FRAS1: variants seen among roughly 807,000 people sequenced by gnomAD.
The protein encoded by FRAS1 is Fraser extracellular matrix complex subunit 1.
A neutral mutation model predicts 435.2 loss-of-function variants in FRAS1; 290 were observed. The observed-to-expected ratio is 0.67, with a 90% CI of 0.61 to 0.73. The LOEUF (loss-of-function observed/expected upper bound fraction) is 0.73, where lower values mean the gene tolerates loss of function less well. Among genes scored for constraint, FRAS1 ranks in the 30% least tolerant of loss-of-function variants. FRAS1 has a pLI of 0.00. For missense variants in FRAS1, 4,860 were observed against 5,001.5 expected (o/e 0.97, Z 0.85); for synonymous variants, 1,800 against 1,851.0 (o/e 0.97, Z 0.71).
chr4:78,478,022 G>C lies in FRAS1; in HGVS notation c.8059G>C (p.Glu2687Gln). 2 of 1,592,722 alleles carry C rather than the reference G, an allele frequency of 1.3e-6. No homozygotes were observed. The highest frequency in any genetic ancestry group is 2.3e-5 in the South Asian group (2 of 87,644). The change falls in exon 55 of 74, where the codon GAG (glutamate) becomes CAG (glutamine). Residue 2687 changes from glutamate to glutamine, a missense_variant. Glu to Gln is a conservative substitution (Grantham distance 29). Coordinates refer to ENST00000512123, the MANE Select transcript of FRAS1 (RefSeq NM_025074.7). Reference protein sequence around the residue: ...EFDKKIYWVNESAGFLFAPIE... With the variant: ...EFDKKIYWVNQSAGFLFAPIE... Reference sequence around the variant, plus strand: ...TGACAAGAAGATCTACTGGGTTAACGAGAGCGCTGGTTTTCTGTTTGCACC... The same window carrying C: ...TGACAAGAAGATCTACTGGGTTAACCAGAGCGCTGGTTTTCTGTTTGCACC...
chr4:78,537,981 T>A (rs1417036872), intron 72 of FRAS1, among the ~76,000 whole-genome samples: 2 of 151,912 alleles, frequency 1.3e-5, no homozygotes, highest in African/African-American at 4.8e-5. Flanking sequence ...CATAATTGTT[T>A]GAAAAAGCTA....
intron 19 of FRAS1, among the ~76,000 whole-genome samples, chr4:78,336,517 T>C (rs543330460): frequency 6.6e-6 from 1 of 152,196 alleles, no homozygotes; most frequent in Non-Finnish European, 1.5e-5. Flanking sequence ...GAACTGGGTG[T>C]TGGAAATCAT....
chr4:78,167,195 G>C (rs1296177759), intron 2 of FRAS1, among the ~76,000 whole-genome samples: 1 of 152,092 alleles, frequency 6.6e-6, no homozygotes, highest in Non-Finnish European at 1.5e-5. Flanking sequence ...CATTAATCTT[G>C]GTGCAAATTA....
At chr4:78,126,743 G>A (rs1020061878) in intron 2 of FRAS1, among the ~76,000 whole-genome samples, 1 of 152,114 alleles carries the variant, frequency 6.6e-6, no homozygotes, top group Non-Finnish European at 1.5e-5. Flanking sequence ...CACATCACGT[G>A]TCTAATCATA....
intron 56 of FRAS1, among the ~76,000 whole-genome samples, chr4:78,481,096 A>G (rs1719997459): frequency 6.6e-6 from 1 of 152,200 alleles, no homozygotes; most frequent in Non-Finnish European, 1.5e-5. Flanking sequence ...CCATAACTAC[A>G]TTGCATCTCA....
At position 78,511,574 on chromosome 4, in the gene FRAS1, C is replaced by T. The variant is rs548659269; in HGVS notation, c.10013+68C>T. The T allele has an allele frequency of 3.8e-4, 439 of 1,142,286 alleles. 1 individual carries two copies. In the African/African-American group the frequency reaches 5.2e-3, roughly 13 times the overall value. The allele number at this position is 1,142,286 out of a possible 1,614,324, so 70.8% of individuals were successfully genotyped here. ...ATCTCAGGTCTCCTTTGTGTGTTTC[C>T]CAGGACAATCAATAAGGGATGCTTC... is the stretch of plus-strand genomic sequence containing the variant. On this transcript the variant is annotated intron_variant, in intron 64 of 73. Coordinates refer to ENST00000512123, the MANE Select transcript of FRAS1 (RefSeq NM_025074.7).
intron 2 of FRAS1, among the ~76,000 whole-genome samples, chr4:78,226,367 T>C (rs1724273072): frequency 1.3e-5 from 2 of 152,164 alleles, no homozygotes; most frequent in South Asian, 2.1e-4. Flanking sequence ...TAGTATTGTT[T>C]TAGTTTGGAT....
At chr4:78,182,406 G>A (rs1016554438) in intron 2 of FRAS1, among the ~76,000 whole-genome samples, 7 of 152,168 alleles carry the variant, frequency 4.6e-5, no homozygotes, top group African/African-American at 1.7e-4. Flanking sequence ...TAGAAGACAA[G>A]TAAGAGGTAA....
rs535524052 is a variant in FRAS1, at chr4:78,466,371, G to A, written c.7193G>A (p.Arg2398Gln). The A allele has an allele frequency of 1.3e-5, 21 of 1,613,946 alleles. No homozygotes were observed. The highest frequency in any genetic ancestry group is 8.9e-5 in the East Asian group (4 of 44,878). Residue 2398 changes from arginine (R) to glutamine (Q), a missense_variant, in exon 50 of 74, where the codon CGG (arginine) becomes CAG (glutamine). Coordinates refer to ENST00000512123, the MANE Select transcript of FRAS1 (RefSeq NM_025074.7). ...SHDGSNSLKD[R>Q]FTFTVSDGTN... is the part of the protein sequence containing the mutation. ...GACGGCAGTAACTCCCTCAAGGACC[G>A]GTTCACCTTCACTGTTTCTGATGGG...
chr4:78,221,788 T>A (rs1447726700), intron 2 of FRAS1, among the ~76,000 whole-genome samples: 2 of 152,192 alleles, frequency 1.3e-5, no homozygotes, highest in African/African-American at 4.8e-5. Flanking sequence ...ACATTTGACA[T>A]GAGGCTTTTG....
chr4:78,227,625 T>C (rs1424298601), intron 2 of FRAS1, among the ~76,000 whole-genome samples: 2 of 152,184 alleles, frequency 1.3e-5, no homozygotes, highest in Admixed American at 1.3e-4. Context: ...GAGTTAGGGA[T>C]TGAGAACATG....
At chr4:78,329,195 G>A (rs1417878251) in intron 18 of FRAS1, among the ~76,000 whole-genome samples, 1 of 152,116 alleles carries the variant, frequency 6.6e-6, no homozygotes, top group East Asian at 1.9e-4. Flanking sequence ...TCAAAATTTG[G>A]ACAAATAACC....
intron 2 of FRAS1, among the ~76,000 whole-genome samples, chr4:78,123,782 T>C (rs1431304364): frequency 1.1e-4 from 16 of 152,204 alleles, no homozygotes; most frequent in Non-Finnish European, 1.5e-4. Context: ...TCTGTTTGTC[T>C]GTTATTTGTG....
intron 38 of FRAS1, among the ~76,000 whole-genome samples, chr4:78,435,714 G>A (rs930203101): frequency 1.2e-4 from 18 of 151,076 alleles, no homozygotes; most frequent in African/African-American, 4.1e-4. Context: ...CTCCAGTCTT[G>A]GCAACAGAGT....
At chr4:78,369,690 G>T in intron 22 of FRAS1, 148 bp from the exon 23 acceptor site, 1 of 504,776 alleles carries the variant, frequency 2.0e-6, no homozygotes, top group Admixed American at 4.1e-5. Context: ...TGTTTTTGTT[G>T]ATCACAGGGG....
rs570224012 is a variant in FRAS1 at position 78,300,248 on chromosome 4, A to T, written c.1535-7818A>T. On this transcript the variant is annotated intron_variant, in intron 14 of 73. Coordinates refer to ENST00000512123, the MANE Select transcript of FRAS1 (RefSeq NM_025074.7). ...TTAGTACCAAGTAAATTATAACTAA[A>T]ACTTATCCAAAGCTTAAGGGTAAGT... 6.6e-4 allele frequency among the ~76,000 whole-genome samples: 101 copies of T among 152,320 alleles called. 2 individuals carry two copies. The South Asian group carries it at 0.02, about 30-fold the overall frequency.
chr4:78,382,224 T>A (rs1245936391), intron 27 of FRAS1, among the ~76,000 whole-genome samples: 1 of 152,060 alleles, frequency 6.6e-6, no homozygotes, highest in African/African-American at 2.4e-5. Context: ...TGATAGGAAG[T>A]ACCACCCTTT....
At chr4:78,342,325 C>T (rs764260140) in intron 20 of FRAS1, among the ~76,000 whole-genome samples, 34 of 152,176 alleles carry the variant, frequency 2.2e-4, no homozygotes, top group Non-Finnish European at 3.7e-4. Flanking sequence ...ATCCTGGGAG[C>T]AGGTCCAGTA....
At chr4:78,332,055 G>T (rs1208225968) in intron 18 of FRAS1, among the ~76,000 whole-genome samples, 1 of 152,186 alleles carries the variant, frequency 6.6e-6, no homozygotes. Flanking sequence ...GTGAAGTAGG[G>T]TAAGCAGGCT....
Sources: allele counts gnomAD v4.1 joint callset (sites outside exome capture counted in the v4.1 genomes callset), GRCh38; gene constraint gnomAD v4.1.1; transcripts MANE v1.5; gene names NCBI Gene and HGNC (gene_info 2026-07-23, HGNC 2026-07-21).